TTN: variants seen among roughly 807,000 people sequenced by gnomAD.
The protein encoded by TTN is connectin.
In TTN, 1,525 loss-of-function variants were observed where a neutral mutation model predicts 3,223.0. The observed-to-expected ratio is 0.47, with a 90% CI of 0.45 to 0.49. The LOEUF (loss-of-function observed/expected upper bound fraction) is 0.49. Among genes scored for constraint, TTN ranks in the 20% least tolerant of loss-of-function variants. The probability of loss-of-function intolerance (pLI) is 0.00; values close to 1 mark genes in which losing one functional copy is unlikely to be tolerated. For synonymous variants in TTN, 14,094 were observed against 15,161.0 expected, an observed-to-expected ratio of 0.93 and a Z score of 5.17; for missense variants, 40,786 against 43,424.0, an observed-to-expected ratio of 0.94 and a Z score of 5.40.
intron 300 of TTN, 39 bp downstream of exon 300, chr2:178,592,728 CAGACATCT>C: frequency 6.2e-7 from 1 of 1,612,388 alleles, no homozygotes; most frequent in Admixed American, 1.7e-5. Flanking sequence ...CACATACAAT[CAGACATCT>C]ATTTTCCTTG....
rs767665016 is a variant in TTN at position 178,592,493 on chromosome 2, C to A, written c.59512G>T (p.Val19838Phe). ...TTACGAATTTCAAGCTTGCTACCAA[C>A]TGGAGTCACATCAATTCTTGCTTTA... is the stretch of plus-strand genomic sequence containing the variant. ...PTKARIDVTP[V>F]GSKLEIRNAA... The change falls in exon 301 of 363, where the codon GTT becomes TTT. Residue 19838 changes from valine (V) to phenylalanine (F), a missense_variant. Transcript: ENST00000589042. 6.2e-7 allele frequency: 1 copy of A among 1,613,496 alleles called. No individual in the cohort carries two copies. The highest frequency in any genetic ancestry group is 8.5e-7 in the Non-Finnish European group (1 of 1,179,592).
intron 6 of TTN, chr2:178,799,275 G>C (rs747587680): frequency 3.7e-5 from 25 of 683,844 alleles, no homozygotes; most frequent in Non-Finnish European, 5.8e-5. Flanking sequence ...GACCCTAGTA[G>C]GCAGACACAC....
In TTN at chr2:178,735,877, G is replaced by A; in HGVS notation, c.14569C>T (p.Leu4857Phe). 3 of 1,613,884 alleles carry A rather than the reference G, an allele frequency of 1.9e-6. 1 individual carries two copies. The highest frequency in any genetic ancestry group is 2.5e-6 in the Non-Finnish European group (3 of 1,179,822). Reference protein sequence around the residue: ...ENKHILELSNLTIQDRGVYSC... With the variant: ...ENKHILELSNFTIQDRGVYSC... ...TAAACTCCTCTATCTTGAATGGTAAGGTTTGAGAGTTCTAAAATGTGTTTG... is the reference window on the plus strand; with the variant it reads ...TAAACTCCTCTATCTTGAATGGTAAAGTTTGAGAGTTCTAAAATGTGTTTG... The change falls in exon 50 of 363, where the codon CTT becomes TTT. Residue 4857 changes from leucine (L) to phenylalanine (F), a missense_variant. Coordinates refer to ENST00000589042, the MANE Select transcript of TTN (RefSeq NM_001267550.2).
At position 178,607,182 on chromosome 2, in the gene TTN, T is replaced by A; in HGVS notation, c.53420A>T (p.Lys17807Met). 1.9e-6 allele frequency: 3 copies of A among 1,613,056 alleles called. No individual in the cohort carries two copies. The highest frequency in any genetic ancestry group is 2.5e-6 in the Non-Finnish European group (3 of 1,179,294). The part of the protein sequence containing the change: ...TGFIIERKDA[K>M]MHTWRQPIET... ...TATTGGTTGTCTCCAAGTATGCATC[T>A]TGGCATCTTTTCTTTCAATGATAAA... Residue 17807 changes from lysine to methionine, a missense_variant, in exon 278 of 363, where the codon AAG becomes ATG. Transcript: ENST00000589042.
Position 178,631,081 on chromosome 2 carries a change from G to A in TTN, c.43967C>T (p.Thr14656Ile), listed in dbSNP as rs1001069675. The A allele has an allele frequency of 4.3e-6, 7 of 1,613,176 alleles. No individual in the cohort carries two copies. In the African/African-American group the frequency reaches 8.0e-5, roughly 18 times the overall value. Residue 14656 changes from threonine to isoleucine, a missense_variant, in exon 237 of 363, where the codon ACC becomes ATC. Physicochemically the swap from Thr to Ile is moderately conservative, Grantham distance 89. Transcript: ENST00000589042. Reference protein sequence around the residue: ...KALKSDIGQYTCDCGTDKTSG... With the variant: ...KALKSDIGQYICDCGTDKTSG... ...GGTCTTATCTGTCCCACAGTCACAG[G>A]TGTACTGTCCAATATCTGATTTCAA...
intron 24 of TTN, 32 bp from the exon 25 acceptor site, chr2:178,778,007 A>G (rs773907457): frequency 6.2e-7 from 1 of 1,606,804 alleles, no homozygotes; most frequent in South Asian, 1.1e-5. Context: ...TACTTTCGTG[A>G]GGCATAAAGA....
rs781653231 is a variant in TTN, at chr2:178,729,691, T to C, written c.18562A>G (p.Ser6188Gly). ...TTCACTTTGAGTTCAATGCTGCAGC[T>C]CGCCGTGCCTGCGTCATTTCGAGCT... ...CEARNDAGTASCSIELKVKEP... is the reference protein window; with the variant it reads ...CEARNDAGTAGCSIELKVKEP... Residue 6188 changes from serine (S) to glycine (G), a missense_variant, in exon 63 of 363, where the codon AGC becomes GGC. Coordinates refer to ENST00000589042, the MANE Select transcript of TTN (RefSeq NM_001267550.2). The C allele has an allele frequency of 3.1e-6, 5 of 1,613,574 alleles. No homozygotes were observed. In the African/African-American group the frequency reaches 5.3e-5, roughly 17 times the overall value.
chr2:178,590,851 A>G lies in TTN; in HGVS notation c.60874T>C (p.Trp20292Arg), dbSNP rs748357485. The change falls in exon 304 of 363, where the codon TGG becomes CGG. Residue 20292 changes from tryptophan (W) to arginine (R), a missense_variant. By Grantham distance (101) the Trp-to-Arg change is moderately radical. Transcript: ENST00000589042. ...DITENAATVS[W>R]TLPKSDGGSP... is the part of the protein sequence containing the mutation. ...CCACCATCAGATTTTGGCAGGGTCCAAGACACTGTTGCTGCATTTTCAGTA... is the reference window on the plus strand; with the variant it reads ...CCACCATCAGATTTTGGCAGGGTCCGAGACACTGTTGCTGCATTTTCAGTA... The G allele has an allele frequency of 1.1e-5, 17 of 1,610,172 alleles. No homozygotes were observed. The East Asian group carries it at 2.7e-4, about 25-fold the overall frequency.
chr2:178,676,160 G>C, intron 147 of TTN, 165 bp from the exon 148 acceptor site: 1 of 603,082 alleles, frequency 1.7e-6, no homozygotes, highest in Non-Finnish European at 2.9e-6. Flanking sequence ...GATTTGTAAA[G>C]CAAGGGACCA....
Position 178,552,856 on chromosome 2 carries a change from A to G in TTN, c.90044T>C (p.Ile30015Thr), listed in dbSNP as rs1289787170. The G allele has an allele frequency of 9.9e-6, 16 of 1,613,708 alleles. No individual in the cohort carries two copies. Among genetic ancestry groups the G allele is most frequent in the Non-Finnish European group, 1.3e-5 (15 of 1,179,824 alleles). Reference protein sequence around the residue: ...FRVLAENEIGIGEPCETTEPV... With the variant: ...FRVLAENEIGTGEPCETTEPV... ...CTCTGTAGTTTCACAGGGTTCCCCA[A>G]TTCCAATTTCATTTTCTGCAAGAAC... The change falls in exon 335 of 363, where the codon ATT becomes ACT. Residue 30015 changes from isoleucine to threonine, a missense_variant. Physicochemically the swap from Ile to Thr is moderately conservative, Grantham distance 89 (BLOSUM62 -1). Coordinates refer to ENST00000589042, the MANE Select transcript of TTN (RefSeq NM_001267550.2).
In TTN at chr2:178,717,300, A is replaced by G. The variant is rs1309181933; in HGVS notation, c.25434T>C (p.His8478=). ...TTTTGATTGGTGCAGTCCCAGTTAC[A>G]TGACATTTAAAAGTACCACTTTCTC... The part of the protein sequence containing the change: ...ALGESGTFKC[H]VTGTAPIKIT... Residue 8478 remains histidine, a synonymous_variant, in exon 88 of 363, where the codon CAT becomes CAC. Coordinates refer to ENST00000589042, the MANE Select transcript of TTN (RefSeq NM_001267550.2). 2 of 1,613,700 alleles carry G rather than the reference A, an allele frequency of 1.2e-6. No homozygotes were observed. Among genetic ancestry groups the G allele is most frequent in the Admixed American group, 3.3e-5 (2 of 60,004 alleles).
At position 178,546,817 on chromosome 2, in the gene TTN, C is replaced by T. The variant is rs1163088822; in HGVS notation, c.94611G>A (p.Lys31537=). Reference sequence around the variant, plus strand: ...TACGCTCTATGATGTAGCCCACAACCTTGCTGCCTCCATCATACGCTGGGG... The same window carrying T: ...TACGCTCTATGATGTAGCCCACAACTTTGCTGCCTCCATCATACGCTGGGG... ...WSAPAYDGGS[K]VVGYIIERKP... Residue 31537 remains lysine (K), a synonymous_variant, in exon 341 of 363, where the codon AAG becomes AAA. Transcript: ENST00000589042. 3.1e-6 allele frequency: 5 copies of T among 1,611,808 alleles called. No individual in the cohort carries two copies. The highest frequency in any genetic ancestry group is 4.2e-6 in the Non-Finnish European group (5 of 1,178,262).
chr2:178,789,244 C>G, intron 13 of TTN, 116 bp downstream of exon 13: 1 of 1,404,578 alleles, frequency 7.1e-7, no homozygotes, highest in Non-Finnish European at 9.9e-7. Flanking sequence ...AATAGTGACT[C>G]ATACATAAGA....
chr2:178,568,971 T>G lies in TTN; in HGVS notation c.77161A>C (p.Lys25721Gln). 6.2e-7 allele frequency: 1 copy of G among 1,613,430 alleles called. No individual in the cohort carries two copies. The highest frequency in any genetic ancestry group is 8.5e-7 in the Non-Finnish European group (1 of 1,179,556). Residue 25721 changes from lysine to glutamine, a missense_variant, in exon 326 of 363, where the codon AAA becomes CAA. Transcript: ENST00000589042. ...TRNSVSLSWTKPEHDGGSKII... is the reference protein window; with the variant it reads ...TRNSVSLSWTQPEHDGGSKII... ...TTACTGCCACCATCATGTTCAGGTT[T>G]TGTCCAACTCAGAGAGACACTGTTT...
Position 178,567,253 on chromosome 2 carries a change from T to C in TTN, c.78879A>G (p.Pro26293=). 1.2e-6 allele frequency: 2 copies of C among 1,606,774 alleles called. No homozygotes were observed. Among genetic ancestry groups the C allele is most frequent in the Non-Finnish European group, 1.7e-6 (2 of 1,176,508 alleles). ...CAGAAGTGACTCCAGTAACCTGGACTGGCCCTTCTGGAGGTCCTGGTCTAT... is the reference window on the plus strand; with the variant it reads ...CAGAAGTGACTCCAGTAACCTGGACCGGCCCTTCTGGAGGTCCTGGTCTAT... ...VLDRPGPPEG[P]VQVTGVTSEK... is the part of the protein sequence containing the mutation. The change falls in exon 326 of 363, where the codon CCA becomes CCG. Residue 26293 remains proline, a synonymous_variant. Coordinates refer to ENST00000589042, the MANE Select transcript of TTN (RefSeq NM_001267550.2).
At chr2:178,715,425 C>T (rs1488155758) in intron 89 of TTN, 68 bp downstream of exon 89, 1 of 1,538,442 alleles carries the variant, frequency 6.5e-7, no homozygotes, top group African/African-American at 1.4e-5. Context: ...AAGAGTCAAA[C>T]AGGAAGTTAA....
chr2:178,712,013 C>T lies in TTN; in HGVS notation c.27817G>A (p.Gly9273Arg). Residue 9273 changes from glycine (G) to arginine (R), a missense_variant, in exon 96 of 363, where the codon GGA becomes AGA. Transcript: ENST00000589042. ...TTTTCAGCTTTGCAGATATATTCTC[C>T]ACTATCATTAATATCAACCTGGTTG... ...VFNQVDINDSGEYICKAENSV... is the reference protein window; with the variant it reads ...VFNQVDINDSREYICKAENSV... 6.2e-7 allele frequency: 1 copy of T among 1,613,678 alleles called. No individual in the cohort carries two copies. Among genetic ancestry groups the T allele is most frequent in the South Asian group, 1.1e-5 (1 of 91,026 alleles).
In TTN at chr2:178,536,202, CAAGGT is replaced by C; in HGVS notation, c.100540_100544del (p.Thr33514GlyfsTer29). On this transcript the variant is annotated frameshift_variant, in exon 357 of 363. Coordinates refer to ENST00000589042, the MANE Select transcript of TTN (RefSeq NM_001267550.2). LOFTEE classifies it high-confidence loss of function. ...TTGGATGACCAGTCACTTTGCAGACCAAGGTAGCATTGCTCTGATATCTGACATTT... is the reference window on the plus strand; with the variant it reads ...TTGGATGACCAGTCACTTTGCAGACCAGCATTGCTCTGATATCTGACATTT... 1 of 1,613,320 alleles carries C rather than the reference CAAGGT, an allele frequency of 6.2e-7. No individual in the cohort carries two copies. Among genetic ancestry groups the C allele is most frequent in the Non-Finnish European group, 8.5e-7 (1 of 1,179,562 alleles).
In TTN at chr2:178,664,891, T is replaced by C. The variant is rs763129106; in HGVS notation, c.36079A>G (p.Thr12027Ala). The C allele has an allele frequency of 6.2e-7, 1 of 1,611,076 alleles. No individual in the cohort carries two copies. ...GGTTCTCTTTTTTTGGAAGGAACTG[T>C]CTTGGCAGGAATAATTTCTTGAGGA... Reference protein sequence around the residue: ...EAPQEIIPAKTVPSKKREPPS... With the variant: ...EAPQEIIPAKAVPSKKREPPS... The change falls in exon 166 of 363, where the codon ACA becomes GCA. Residue 12027 changes from threonine (T) to alanine (A), a missense_variant. By Grantham distance (58) the Thr-to-Ala change is moderately conservative (BLOSUM62 0). Coordinates refer to ENST00000589042, the MANE Select transcript of TTN (RefSeq NM_001267550.2).
Sources: gnomAD v4.1 joint callset for allele counts on GRCh38, gnomAD v4.1.1 for gene constraint, MANE v1.5 for transcripts, NCBI Gene and HGNC (gene_info 2026-07-23, HGNC 2026-07-21) for gene names.